Variants in C8orf34 observed in about 807,000 individuals in gnomAD.
C8orf34 encodes the protein uncharacterized protein C8orf34.
Under a neutral mutation model 68.3 loss-of-function variants are expected in C8orf34, and 65 were observed. The ratio of observed to expected loss-of-function variants is 0.95; its 90% confidence interval spans 0.78 to 1.17. The LOEUF is 1.17. C8orf34 is among the 50% of genes most tolerant of loss of function. C8orf34 has a pLI of 0.00. For synonymous variants in C8orf34, 244 were observed against 241.2 expected (o/e 1.01, Z -0.11); for missense variants, 664 against 655.4 (o/e 1.01, Z -0.14).
chr8:68,489,570 G>T (rs190402349), intron 5 of C8orf34, among the ~76,000 whole-genome samples: 3 of 152,122 alleles, frequency 2.0e-5, no homozygotes, highest in Admixed American at 2.0e-4. Flanking sequence ...TAGTAATTTT[G>T]TGCATGAAAC....
intron 1 of C8orf34, among the ~76,000 whole-genome samples, chr8:68,408,499 G>T (rs957076375): frequency 2.2e-4 from 33 of 152,100 alleles, no homozygotes; most frequent in Non-Finnish European, 1.6e-4. Context: ...AATTTTCATA[G>T]TTTTCATTAC....
chr8:68,740,868 G>T (rs1822269158), intron 10 of C8orf34, among the ~76,000 whole-genome samples: 1 of 152,142 alleles, frequency 6.6e-6, no homozygotes, highest in Non-Finnish European at 1.5e-5. Flanking sequence ...AGCAAATGTG[G>T]TACATATACA....
intron 3 of C8orf34, among the ~76,000 whole-genome samples, chr8:68,460,537 A>AC (rs1384444289): frequency 2.0e-5 from 3 of 151,910 alleles, no homozygotes; most frequent in African/African-American, 7.3e-5. Context: ...ACTGGGAGGC[A>AC]CCCCCCAGTA....
chr8:68,580,601 G>A (rs1482371125), intron 7 of C8orf34, among the ~76,000 whole-genome samples: 1 of 152,102 alleles, frequency 6.6e-6, no homozygotes, highest in African/African-American at 2.4e-5. Context: ...TCATAAGACT[G>A]TTAAGTGGTA....
At chr8:68,349,026 G>A (rs921311418) in intron 1 of C8orf34, among the ~76,000 whole-genome samples, 1 of 152,048 alleles carries the variant, frequency 6.6e-6, no homozygotes, top group Non-Finnish European at 1.5e-5. Context: ...GGTGAGAGAG[G>A]ATATCCTTGT....
At chr8:68,583,799 G>A (rs892705) in intron 7 of C8orf34, among the ~76,000 whole-genome samples, 37,501 of 151,820 alleles carry the variant, frequency 0.25, 6,783 homozygotes, top group African/African-American at 0.52. Flanking sequence ...TAATATCGTG[G>A]TCTCATTTTC....
At chr8:68,498,778 A>G (rs1813640011) in intron 5 of C8orf34, among the ~76,000 whole-genome samples, 1 of 152,214 alleles carries the variant, frequency 6.6e-6, no homozygotes, top group Non-Finnish European at 1.5e-5. Context: ...CTTTTAAAAA[A>G]TAAAATGCAC....
intron 8 of C8orf34, among the ~76,000 whole-genome samples, chr8:68,667,359 C>G (rs1163321172): frequency 6.6e-6 from 1 of 152,102 alleles, no homozygotes; most frequent in African/African-American, 2.4e-5. Flanking sequence ...TTTCCAAACC[C>G]TTAATTTAAG....
chr8:68,350,728 G>C (rs750227275), intron 1 of C8orf34, among the ~76,000 whole-genome samples: 29 of 152,046 alleles, frequency 1.9e-4, no homozygotes, highest in Middle Eastern at 3.4e-3. Flanking sequence ...TTTGAAATCT[G>C]TTTTGTCTGA....
At chr8:68,755,843 C>T (rs1468400551) in intron 10 of C8orf34, among the ~76,000 whole-genome samples, 2 of 151,766 alleles carry the variant, frequency 1.3e-5, no homozygotes, top group Middle Eastern at 3.4e-3. Flanking sequence ...AGGTGGATCA[C>T]GAGGTCAGGA....
At chr8:68,554,616 G>C (rs191287347) in intron 7 of C8orf34, among the ~76,000 whole-genome samples, 15 of 152,098 alleles carry the variant, frequency 9.9e-5, no homozygotes, top group South Asian at 8.3e-4. Flanking sequence ...ATTAAGCATT[G>C]CTACAGGTTA....
At chr8:68,649,766 T>C (rs187182373) in intron 8 of C8orf34, among the ~76,000 whole-genome samples, 106 of 152,308 alleles carry the variant, frequency 7.0e-4, no homozygotes, top group African/African-American at 2.4e-3. Context: ...GCCTTTCTTG[T>C]TACATGACAA....
intron 1 of C8orf34, among the ~76,000 whole-genome samples, chr8:68,421,025 A>G (rs1809944348): frequency 6.6e-6 from 1 of 152,218 alleles, no homozygotes; most frequent in Non-Finnish European, 1.5e-5. Flanking sequence ...GGATATCCCC[A>G]AATTGTGAAA....
chr8:68,722,192 A>G (rs187901952), intron 10 of C8orf34, among the ~76,000 whole-genome samples: 87 of 152,080 alleles, frequency 5.7e-4, no homozygotes, highest in Non-Finnish European at 1.1e-3. Flanking sequence ...CTTGCAGATA[A>G]ATGTCTTCTC....
intron 1 of C8orf34, 28 bp downstream of exon 1, chr8:68,331,367 C>G: frequency 1.3e-6 from 2 of 1,531,886 alleles, no homozygotes; most frequent in South Asian, 1.2e-5. Context: ...AGGGCAGTCC[C>G]GTTGTCTTTA....
At chr8:68,780,540 C>A (rs1311887698) in intron 11 of C8orf34, among the ~76,000 whole-genome samples, 1 of 152,086 alleles carries the variant, frequency 6.6e-6, no homozygotes, top group Non-Finnish European at 1.5e-5. Context: ...TTCATTTTCC[C>A]AGATTCTATT....
intron 4 of C8orf34, among the ~76,000 whole-genome samples, chr8:68,482,753 A>G (rs1036492654): frequency 6.6e-6 from 1 of 152,222 alleles, no homozygotes; most frequent in African/African-American, 2.4e-5. Context: ...TGATGTAAAT[A>G]TTCCCACTAT....
chr8:68,741,565 T>C (rs1023632907), intron 10 of C8orf34, among the ~76,000 whole-genome samples: 1 of 152,196 alleles, frequency 6.6e-6, no homozygotes, highest in Non-Finnish European at 1.5e-5. Flanking sequence ...CTTATTCTTT[T>C]GAACTATATT....
intron 3 of C8orf34, among the ~76,000 whole-genome samples, chr8:68,455,781 G>T (rs1426287826): frequency 6.6e-6 from 1 of 151,562 alleles, no homozygotes. Flanking sequence ...AGGAATAGAA[G>T]GATATTTTCT....
Sources: allele counts gnomAD v4.1 joint callset (sites outside exome capture counted in the v4.1 genomes callset), GRCh38; gene constraint gnomAD v4.1.1; transcripts MANE v1.5; gene names NCBI Gene and HGNC (gene_info 2026-07-23, HGNC 2026-07-21).